The following CDH23 variants were observed in gnomAD, a reference collection of about 807,000 sequenced individuals.
CDH23 encodes the protein cadherin-23.
CDH23 carries 189 observed loss-of-function variants against 317.1 expected under a neutral mutation model. That is an observed-to-expected ratio of 0.60 (90% CI 0.53 to 0.67). CDH23 has a LOEUF of 0.67. Among genes scored for constraint, CDH23 ranks in the 30% least tolerant of loss-of-function variants. The pLI, the probability that CDH23 is intolerant of heterozygous loss-of-function variation, is 0.00. For synonymous variants in CDH23, 1,839 were observed against 1,876.8 expected, an observed-to-expected ratio of 0.98 and a Z score of 0.52; for missense variants, 4,401 against 4,592.4, an observed-to-expected ratio of 0.96 and a Z score of 1.20.
rs778757522 is a variant in CDH23, at chr10:71,777,811, A to G, written c.4977A>G (p.Ala1659=). The G allele has an allele frequency of 3.7e-6, 6 of 1,613,764 alleles. No homozygotes were observed. Among genetic ancestry groups the G allele is most frequent in the Middle Eastern group, 1.6e-4 (1 of 6,084 alleles). The change falls in exon 39 of 70, where the codon GCA becomes GCG. Residue 1659 remains alanine (A), a synonymous_variant. Transcript: ENST00000224721. ...ACACCAGCCTCATCACCATCCAGGCACTGGACCTGGATGAGGGTCCCAACG... is the reference window on the plus strand; with the variant it reads ...ACACCAGCCTCATCACCATCCAGGCGCTGGACCTGGATGAGGGTCCCAACG... ...TLNTSLITIQ[A]LDLDEGPNGT...
At chr10:71,677,929 C>T (rs1408997897) in intron 16 of CDH23, among the ~76,000 whole-genome samples, 1 of 152,134 alleles carries the variant, frequency 6.6e-6, no homozygotes, top group African/African-American at 2.4e-5. Flanking sequence ...CCGTGCCTAG[C>T]CTGTGCTTTC....
intron 44 of CDH23, among the ~76,000 whole-genome samples, chr10:71,787,981 G>A (rs549839915): frequency 3.6e-4 from 55 of 152,288 alleles, no homozygotes; most frequent in African/African-American, 1.3e-3. Flanking sequence ...TTGCCACAGT[G>A]GCTGAAGGAA....
chr10:71,805,722 G>A (rs1300382585), intron 55 of CDH23, 84 bp from the exon 56 acceptor site: 5 of 1,361,642 alleles, frequency 3.7e-6, no homozygotes, highest in African/African-American at 1.5e-5. Context: ...GCTACGGCAG[G>A]AGAAAGAGCA....
intron 14 of CDH23, among the ~76,000 whole-genome samples, chr10:71,663,549 G>A (rs142204453): frequency 1.3e-5 from 2 of 152,306 alleles, no homozygotes; most frequent in East Asian, 3.9e-4. Context: ...TTTAACCTCT[G>A]GCCTTGCTGG....
intron 11 of CDH23, 56 bp from the exon 12 acceptor site, chr10:71,643,805 C>G (rs1308209015): frequency 2.6e-6 from 2 of 765,192 alleles, no homozygotes; most frequent in East Asian, 2.4e-5. Flanking sequence ...CTCCATACCT[C>G]TCCGGCTCCT....
chr10:71,777,936 G>T (rs146680399), intron 39 of CDH23, 35 bp downstream of exon 39: 1 of 1,607,236 alleles, frequency 6.2e-7, no homozygotes. Flanking sequence ...GACAAGGGGC[G>T]AAACCTATCC....
intron 67 of CDH23, 61 bp from the exon 68 acceptor site, chr10:71,812,707 C>T (rs1841982708): frequency 1.2e-6 from 2 of 1,611,972 alleles, no homozygotes; most frequent in African/African-American, 1.3e-5. Flanking sequence ...AGGGGTGGCC[C>T]CCTCCCTTGT....
At chr10:71,663,411 G>A (rs1184872861) in intron 14 of CDH23, among the ~76,000 whole-genome samples, 2 of 152,130 alleles carry the variant, frequency 1.3e-5, no homozygotes, top group Middle Eastern at 3.2e-3. Flanking sequence ...GCATCTCAAG[G>A]CCCCACCTCT....
At chr10:71,759,402 G>T (rs543573762) in intron 38 of CDH23, among the ~76,000 whole-genome samples, 2 of 152,212 alleles carry the variant, frequency 1.3e-5, no homozygotes, top group South Asian at 4.1e-4. Flanking sequence ...AGCTACTTGG[G>T]AGAATGAAGC....
chr10:71,808,796 C>A (rs1841821027), intron 60 of CDH23, among the ~76,000 whole-genome samples: 1 of 152,194 alleles, frequency 6.6e-6, no homozygotes, highest in Non-Finnish European at 1.5e-5. Context: ...CTGTGCCCAG[C>A]CTAGCTAAGC....
intron 38 of CDH23, chr10:71,761,935 G>A (rs769281456): frequency 4.2e-5 from 68 of 1,614,016 alleles, no homozygotes; most frequent in Non-Finnish European, 5.7e-5. Context: ...TGTCCACAGG[G>A]CCCAAGAGCC....
intron 38 of CDH23, among the ~76,000 whole-genome samples, chr10:71,759,080 C>G (rs1322473818): frequency 6.6e-6 from 1 of 151,902 alleles, no homozygotes; most frequent in Non-Finnish European, 1.5e-5. Context: ...GCTCTATCAG[C>G]AGGCTGGAGT....
intron 38 of CDH23, among the ~76,000 whole-genome samples, chr10:71,758,537 C>T (rs899496280): frequency 7.2e-5 from 11 of 152,310 alleles, no homozygotes; most frequent in Middle Eastern, 3.4e-3. Context: ...TGGCAAGCAC[C>T]GGGGGGCTAA....
At position 71,800,628 on chromosome 10, in the gene CDH23, C is replaced by T. The variant is rs2132971255; in HGVS notation, c.7363-8C>T. The T allele has an allele frequency of 1.9e-6, 3 of 1,613,622 alleles. No homozygotes were observed. The highest frequency in any genetic ancestry group is 1.7e-5 in the Admixed American group (1 of 59,942). ...TTGAAGGACCTAAAGCCACCCTCCC[C>T]CTACTAGGGTGACATCTATGTGCTG... On this transcript the variant is annotated splice_region_variant and splice_polypyrimidine_tract_variant and intron_variant, in intron 52 of 69. Transcript: ENST00000224721.
At chr10:71,784,456 G>A (rs751613302) in intron 42 of CDH23, 36 bp downstream of exon 42, 19 of 1,601,112 alleles carry the variant, frequency 1.2e-5, no homozygotes, top group South Asian at 2.2e-5. Context: ...GCTTCACCTC[G>A]CTGCCCCTGT....
At chr10:71,427,893 A>C (rs1344978417) in intron 1 of CDH23, among the ~76,000 whole-genome samples, 1 of 151,536 alleles carries the variant, frequency 6.6e-6, no homozygotes, top group Non-Finnish European at 1.5e-5. Context: ...TTGTATTTTT[A>C]GTAGAGACGG....
At chr10:71,598,276 G>A (rs1156442119) in intron 9 of CDH23, among the ~76,000 whole-genome samples, 1 of 152,230 alleles carries the variant, frequency 6.6e-6, no homozygotes, top group African/African-American at 2.4e-5. Context: ...CTAGGCTGGG[G>A]ACAGTGTTTG....
intron 40 of CDH23, among the ~76,000 whole-genome samples, chr10:71,778,760 A>G (rs954818167): frequency 1.8e-4 from 28 of 152,196 alleles, no homozygotes; most frequent in African/African-American, 6.7e-4. Flanking sequence ...GGGCAGTACT[A>G]TTATTATTTT....
chr10:71,443,907 G>A (rs1194975748), intron 2 of CDH23, among the ~76,000 whole-genome samples: 8 of 152,278 alleles, frequency 5.3e-5, no homozygotes, highest in South Asian at 2.1e-4. Flanking sequence ...GGCGACCCAC[G>A]TCCCGGAGTC....
Sources: allele counts gnomAD v4.1 joint callset (sites outside exome capture counted in the v4.1 genomes callset), GRCh38; gene constraint gnomAD v4.1.1; transcripts MANE v1.5; gene names NCBI Gene and HGNC (gene_info 2026-07-23, HGNC 2026-07-21).